Variants in UBXN2A observed in about 807,000 individuals in gnomAD.
The protein encoded by UBXN2A is UBX domain protein 2A.
UBXN2A carries 28 observed loss-of-function variants against 28.4 expected under a neutral mutation model. The ratio of observed to expected loss-of-function variants is 0.99; its 90% CI spans 0.73 to 1.35. The LOEUF (loss-of-function observed/expected upper bound fraction) is 1.35. Among genes scored for constraint, UBXN2A ranks in the 40% most tolerant of loss-of-function variants. UBXN2A has a pLI of 0.00. For synonymous variants in UBXN2A, 97 were observed against 103.6 expected (o/e 0.94, Z 0.39); for missense variants, 253 against 297.9 (o/e 0.85, Z 1.11).
At chr2:23,958,467 T>C (rs1706745876) in intron 2 of UBXN2A, 112 bp downstream of exon 2, 2 of 955,594 alleles carry the variant, frequency 2.1e-6, no homozygotes, top group Non-Finnish European at 2.9e-6. Context: ...TATGTATGAC[T>C]ACTTCATTGT....
intron 4 of UBXN2A, 70 bp downstream of exon 4, chr2:23,977,145 C>A: frequency 7.7e-7 from 1 of 1,304,658 alleles, no homozygotes; most frequent in Non-Finnish European, 1.1e-6. Context: ...GAGAGGATTG[C>A]CTGAGCTCAG....
intron 1 of UBXN2A, among the ~76,000 whole-genome samples, chr2:23,946,411 C>A (rs1049315976): frequency 1.3e-5 from 2 of 151,958 alleles, no homozygotes; most frequent in Non-Finnish European, 2.9e-5. Flanking sequence ...ATGTCCGCCT[C>A]CTGGGTTCAA....
At chr2:23,928,501 C>A (rs1364905765) in intron 1 of UBXN2A, among the ~76,000 whole-genome samples, 1 of 151,560 alleles carries the variant, frequency 6.6e-6, no homozygotes, top group East Asian at 1.9e-4. Flanking sequence ...CGCTTGAACC[C>A]GGGAGGCAGA....
At chr2:23,952,076 C>T (rs1005668016) in intron 1 of UBXN2A, among the ~76,000 whole-genome samples, 2 of 150,852 alleles carry the variant, frequency 1.3e-5, no homozygotes, top group African/African-American at 4.9e-5. Flanking sequence ...AAGCAATTCT[C>T]CTGCTTCAGC....
rs11553491 is a variant in UBXN2A, at chr2:24,003,031, G to A, written c.*3164G>A. ...TAAAGTGATGGTTCACAATGATTCTGAAGCCTTAGTTTCAGAATCATTTGG... is the reference window on the plus strand; with the variant it reads ...TAAAGTGATGGTTCACAATGATTCTAAAGCCTTAGTTTCAGAATCATTTGG... On this transcript the variant is annotated 3_prime_UTR_variant, in exon 7 of 7. Transcript: ENST00000309033. The A allele has an allele frequency of 6.6e-6, 1 of 152,038 alleles. No homozygotes were observed. The highest frequency in any genetic ancestry group is 1.5e-5 in the Non-Finnish European group (1 of 68,002). The allele number at this position is 152,038 out of a possible 1,614,324, so 9.4% of individuals were successfully genotyped here.
intron 1 of UBXN2A, among the ~76,000 whole-genome samples, chr2:23,941,402 G>A (rs1209795559): frequency 6.6e-6 from 1 of 152,126 alleles, no homozygotes; most frequent in Non-Finnish European, 1.5e-5. Context: ...TATTTAAAAG[G>A]CAATTAAATT....
chr2:23,974,345 CT>C (rs1296937516), intron 3 of UBXN2A, among the ~76,000 whole-genome samples: 181 of 130,310 alleles, frequency 1.4e-3, no homozygotes, highest in Admixed American at 2.1e-3. Flanking sequence ...ATTTAACCAA[CT>C]TTTTTTTTTT....
intron 3 of UBXN2A, among the ~76,000 whole-genome samples, chr2:23,974,085 G>A (rs1707543715): frequency 6.7e-6 from 1 of 149,342 alleles, no homozygotes. Flanking sequence ...TGCGATCTCG[G>A]CTCACTGCAA....
At chr2:23,934,894 T>C (rs1175907308) in intron 1 of UBXN2A, among the ~76,000 whole-genome samples, 1 of 151,934 alleles carries the variant, frequency 6.6e-6, no homozygotes, top group Non-Finnish European at 1.5e-5. Flanking sequence ...GCCAACGTGG[T>C]AAAACCCCGT....
upstream of UBXN2A, among the ~76,000 whole-genome samples, chr2:23,939,965 C>A (rs574864054): frequency 7.0e-4 from 107 of 152,066 alleles, no homozygotes; most frequent in Non-Finnish European, 1.4e-3. Context: ...CAAAAATTAG[C>A]CGGGCGTGCT....
At chr2:23,936,655 A>G (rs1193201797), upstream of UBXN2A, among the ~76,000 whole-genome samples, 1 of 152,184 alleles carries the variant, frequency 6.6e-6, no homozygotes, top group Non-Finnish European at 1.5e-5. Context: ...CATCATACTC[A>G]ATGGTGAGAG....
chr2:23,933,586 G>T (rs1705439766), intron 1 of UBXN2A, among the ~76,000 whole-genome samples: 1 of 152,174 alleles, frequency 6.6e-6, no homozygotes, highest in Admixed American at 6.5e-5. Flanking sequence ...AGTTGGTCAT[G>T]ATGTAAGTAC....
chr2:23,935,801 G>A (rs2150786589), upstream of UBXN2A, among the ~76,000 whole-genome samples: 1 of 152,288 alleles, frequency 6.6e-6, no homozygotes, highest in African/African-American at 2.4e-5. Context: ...TGTAATCCCA[G>A]CACTTTGGGA....
At chr2:23,954,297 T>A (rs1706511292) in intron 1 of UBXN2A, among the ~76,000 whole-genome samples, 1 of 152,242 alleles carries the variant, frequency 6.6e-6, no homozygotes, top group Admixed American at 6.5e-5. Context: ...ACTTTTTTAT[T>A]CATGTAGCAT....
chr2:23,948,294 C>T (rs1404380789), intron 1 of UBXN2A, among the ~76,000 whole-genome samples: 2 of 142,666 alleles, frequency 1.4e-5, no homozygotes, highest in Non-Finnish European at 1.5e-5. Flanking sequence ...ACTCTTGTTG[C>T]CCAGGCTAGA....
At chr2:23,965,170 T>G (rs1304936096) in intron 2 of UBXN2A, among the ~76,000 whole-genome samples, 1 of 152,198 alleles carries the variant, frequency 6.6e-6, no homozygotes, top group African/African-American at 2.4e-5. Context: ...CATGAGCCAC[T>G]GCACCTGGCC....
rs867278044 is a variant in UBXN2A at position 23,935,219 on chromosome 2, G to C, written c.-137-4321G>C. ...GACACCAAAAGTACAGGCAAAACAA[G>C]AATAAATTAATTTGACTGAAATTTT... is the stretch of plus-strand genomic sequence containing the variant. On this transcript the variant is annotated intron_variant, in intron 1 of 7. Coordinates refer to the UBXN2A transcript ENST00000404924. 2.6e-5 allele frequency among the ~76,000 whole-genome samples: 4 copies of C among 152,220 alleles called. No homozygotes were observed. In the South Asian group the frequency reaches 6.2e-4, roughly 24 times the overall value.
chr2:23,978,316 G>T (rs1289332441), intron 4 of UBXN2A, among the ~76,000 whole-genome samples: 1 of 152,070 alleles, frequency 6.6e-6, no homozygotes, highest in African/African-American at 2.4e-5. Flanking sequence ...ACCCTACTCT[G>T]GCTTGGGAGG....
intron 1 of UBXN2A, among the ~76,000 whole-genome samples, chr2:23,949,614 C>T (rs1706264943): frequency 6.6e-6 from 1 of 151,690 alleles, no homozygotes; most frequent in African/African-American, 2.4e-5. Flanking sequence ...GTTGCCCATG[C>T]CTATAATTCT....
Sources: gnomAD v4.1 joint callset for allele counts (sites outside exome capture counted in the v4.1 genomes callset) on GRCh38, gnomAD v4.1.1 for gene constraint, MANE v1.5 for transcripts, NCBI Gene and HGNC (gene_info 2026-07-23, HGNC 2026-07-21) for gene names.